Variants in C1orf54 observed in about 807,000 individuals in gnomAD.
The protein encoded by C1orf54 is uncharacterized protein C1orf54.
Under a neutral mutation model 14.7 loss-of-function variants are expected in C1orf54, and 12 were observed. That is an observed-to-expected ratio of 0.82 (90% CI 0.52 to 1.32). C1orf54 has a LOEUF of 1.32. Ranked by LOEUF, C1orf54 falls within the 40% of genes most tolerant of loss-of-function variation. The probability of loss-of-function intolerance (pLI) is 0.00; values close to 1 mark genes in which losing one functional copy is unlikely to be tolerated. For missense variants in C1orf54, 163 were observed against 162.2 expected (o/e 1.00, Z -0.03); for synonymous variants, 65 against 56.3 (o/e 1.16, Z -0.70).
rs149781166 is a variant in C1orf54 at position 150,275,790 on chromosome 1, G to C, written c.180G>C (p.Glu60Asp). ...TTGATTACTCCATATTTGAGTCAGAGGACAGGCTGGTGAGTGAACTCTACA... is the reference window on the plus strand; with the variant it reads ...TTGATTACTCCATATTTGAGTCAGACGACAGGCTGGTGAGTGAACTCTACA... ...FTIDYSIFES[E>D]DRLNRLDKDI... The change falls in exon 3 of 6, where the codon GAG (glutamate) becomes GAC (aspartate). Residue 60 changes from glutamate to aspartate, a missense_variant. Glu to Asp is a conservative substitution (Grantham distance 45). Transcript: ENST00000369099. 6.2e-7 allele frequency: 1 copy of C among 1,611,224 alleles called. No homozygotes were observed. The highest frequency in any genetic ancestry group is 8.5e-7 in the Non-Finnish European group (1 of 1,177,524).
intron 2 of C1orf54, among the ~76,000 whole-genome samples, chr1:150,275,522 A>T (rs1652578979): frequency 6.6e-6 from 1 of 152,146 alleles, no homozygotes; most frequent in Non-Finnish European, 1.5e-5. Context: ...AAGAACTTGA[A>T]AATTTTTCAA....
chr1:150,268,980 G>A, upstream of C1orf54: 1 of 580,650 alleles, frequency 1.7e-6, no homozygotes, highest in East Asian at 2.9e-5. Context: ...AACCCCAAAT[G>A]AAGGTCCGCG....
intron 3 of C1orf54, 37 bp from the exon 4 acceptor site, chr1:150,276,485 T>C (rs1303219725): frequency 6.5e-7 from 1 of 1,528,370 alleles, no homozygotes; most frequent in African/African-American, 1.4e-5. Flanking sequence ...ATGGAAAAAC[T>C]GATAACTCTG....
intron 3 of C1orf54, 111 bp downstream of exon 3, chr1:150,275,910 G>A: frequency 2.2e-6 from 2 of 912,610 alleles, no homozygotes; most frequent in Non-Finnish European, 3.4e-6. Flanking sequence ...GCCAAGGCGA[G>A]TGGATCATTT....
chr1:150,270,538 G>C (rs956112030), upstream of C1orf54, among the ~76,000 whole-genome samples: 1 of 152,024 alleles, frequency 6.6e-6, no homozygotes, highest in Non-Finnish European at 1.5e-5. Flanking sequence ...AGCTACTCAG[G>C]AGGCTGAGCC....
rs587605220 is a variant in C1orf54, at chr1:150,275,994, T to C, written c.189+195T>C. ...TCTACTAAAAATACAAAAACATTAG[T>C]TGGACATGGTAGCATATGCCTATAA... On this transcript the variant is annotated intron_variant, in intron 3 of 5. Coordinates refer to ENST00000369099, the MANE Select transcript of C1orf54 (RefSeq NM_024579.4). Among the ~76,000 whole-genome samples the C allele has an allele frequency of 2.0e-5, 3 of 152,034 alleles. No homozygotes were observed. In the East Asian group the frequency reaches 5.8e-4, roughly 29 times the overall value.
chr1:150,268,834 T>A (rs781967022), upstream of C1orf54: 2 of 1,586,918 alleles, frequency 1.3e-6, no homozygotes, highest in East Asian at 2.3e-5. Context: ...GGAAGGGGGG[T>A]GGGGGCCTGA....
chr1:150,278,703 G>A (rs1409218454), intron 4 of C1orf54, among the ~76,000 whole-genome samples: 2 of 152,216 alleles, frequency 1.3e-5, no homozygotes, highest in African/African-American at 2.4e-5. Flanking sequence ...AAGAGGCCAA[G>A]GAGGAGGAGG....
chr1:150,279,811 A>T, intron 5 of C1orf54, 70 bp downstream of exon 5: 2 of 1,292,106 alleles, frequency 1.5e-6, no homozygotes, highest in Non-Finnish European at 2.2e-6. Flanking sequence ...CACTAAACCG[A>T]AGTAATTCTT....
intron 2 of C1orf54, among the ~76,000 whole-genome samples, chr1:150,275,060 A>T: frequency 6.8e-6 from 1 of 147,626 alleles, no homozygotes. Context: ...TTTTTTTGAG[A>T]CCAAATCTCA....
chr1:150,274,584 A>AAT (rs1652481303), intron 2 of C1orf54, among the ~76,000 whole-genome samples: 1 of 128,650 alleles, frequency 7.8e-6, no homozygotes, highest in African/African-American at 3.0e-5. Flanking sequence ...TGGGTGACAG[A>AAT]GCAAGACTCC....
intron 1 of C1orf54, among the ~76,000 whole-genome samples, chr1:150,273,816 T>C (rs1196675426): frequency 6.6e-6 from 1 of 152,214 alleles, no homozygotes; most frequent in Non-Finnish European, 1.5e-5. Context: ...TTTGGGTTTA[T>C]AGTATGTGAA....
At chr1:150,270,928 G>A (rs1216189389), upstream of C1orf54, among the ~76,000 whole-genome samples, 4 of 143,810 alleles carry the variant, frequency 2.8e-5, no homozygotes, top group East Asian at 2.1e-4. Context: ...CCCAGGAGGC[G>A]GAGCTTGCAG....
chr1:150,278,874 G>T (rs1652879068), intron 4 of C1orf54, among the ~76,000 whole-genome samples: 2 of 152,222 alleles, frequency 1.3e-5, no homozygotes, highest in Admixed American at 1.3e-4. Flanking sequence ...GGCTGGAAAG[G>T]GGAATAGGAC....
upstream of C1orf54, chr1:150,268,862 G>A (rs782768920): frequency 4.6e-6 from 7 of 1,524,394 alleles, no homozygotes; most frequent in Non-Finnish European, 6.3e-6. Flanking sequence ...AGGCAAATGG[G>A]AGGGGCGCGC....
At chr1:150,276,240 A>G (rs1424099518) in intron 3 of C1orf54, among the ~76,000 whole-genome samples, 3 of 152,358 alleles carry the variant, frequency 2.0e-5, no homozygotes, top group African/African-American at 7.2e-5. Context: ...ACTAAGTAGT[A>G]GGCCCAAAAC....
At chr1:150,277,371 T>C (rs1652740940) in intron 4 of C1orf54, among the ~76,000 whole-genome samples, 1 of 151,176 alleles carries the variant, frequency 6.6e-6, no homozygotes, top group South Asian at 2.1e-4. Context: ...GGCGTGGTGG[T>C]GCGTGCCTGT....
upstream of C1orf54, among the ~76,000 whole-genome samples, chr1:150,269,858 G>A (rs587728388): frequency 1.9e-4 from 29 of 152,104 alleles, no homozygotes; most frequent in African/African-American, 5.8e-4. Context: ...CCAACATGGC[G>A]AAACCCCATC....
At chr1:150,272,641 C>T (rs868950523), upstream of C1orf54, 7 of 639,498 alleles carry the variant, frequency 1.1e-5, no homozygotes, top group Admixed American at 2.8e-5. Flanking sequence ...GGCTGGGGAC[C>T]GGCAGTAACC....
Sources: allele counts gnomAD v4.1 joint callset (sites outside exome capture counted in the v4.1 genomes callset), GRCh38; gene constraint gnomAD v4.1.1; transcripts MANE v1.5; gene names NCBI Gene and HGNC (gene_info 2026-07-23, HGNC 2026-07-21).